DESI2: variants seen among roughly 807,000 people sequenced by gnomAD.
DESI2 encodes the protein desumoylating isopeptidase 2.
DESI2 carries 10 observed loss-of-function variants against 24.1 expected under a neutral mutation model. The ratio of observed to expected loss-of-function variants is 0.41; its 90% confidence interval spans 0.26 to 0.70. The LOEUF is 0.70. Ranked by LOEUF, DESI2 falls within the 30% of genes least tolerant of loss-of-function variation. The pLI is 0.29. For missense variants in DESI2, 122 were observed against 234.9 expected (o/e 0.52, Z 3.14); for synonymous variants, 71 against 87.7 (o/e 0.81, Z 1.06).
rs1370190137 is a variant in DESI2 at position 244,668,401 on chromosome 1, C to G, written c.42+15046C>G. On this transcript the variant is annotated intron_variant, in intron 1 of 4. Transcript: ENST00000302550. ...GACAGTAATTAGCCCACGATCTCCA[C>G]TAGTCACAACTGATATGGGGCTTTT... Among the ~76,000 whole-genome samples, 8 of 152,330 alleles carry G rather than the reference C, an allele frequency of 5.3e-5. No individual in the cohort carries two copies. In the East Asian group the frequency reaches 1.5e-3, roughly 29 times the overall value.
At chr1:244,679,190 G>A (rs543937083) in intron 1 of DESI2, among the ~76,000 whole-genome samples, 50 of 151,996 alleles carry the variant, frequency 3.3e-4, no homozygotes, top group African/African-American at 1.1e-3. Flanking sequence ...CTACAGGCAC[G>A]CACCACCACT....
At chr1:244,676,608 G>A (rs1676423428) in intron 1 of DESI2, among the ~76,000 whole-genome samples, 1 of 151,752 alleles carries the variant, frequency 6.6e-6, no homozygotes, top group Non-Finnish European at 1.5e-5. Flanking sequence ...GAAGTGGCAA[G>A]AGCAGACACT....
intron 1 of DESI2, among the ~76,000 whole-genome samples, chr1:244,684,566 C>T (rs1339493824): frequency 6.6e-6 from 1 of 152,062 alleles, no homozygotes; most frequent in Non-Finnish European, 1.5e-5. Flanking sequence ...TTTTAAATAT[C>T]TATCGAGTTA....
chr1:244,673,698 CTT>C (rs1396868442), intron 1 of DESI2, among the ~76,000 whole-genome samples: 10 of 151,880 alleles, frequency 6.6e-5, no homozygotes, highest in Middle Eastern at 3.2e-3. Flanking sequence ...ATTCCCATAA[CTT>C]ATATATTTCA....
At chr1:244,663,509 A>G (rs1382142229) in intron 1 of DESI2, among the ~76,000 whole-genome samples, 1 of 122,822 alleles carries the variant, frequency 8.1e-6, no homozygotes, top group African/African-American at 3.2e-5. Flanking sequence ...AAATCCTACA[A>G]ATACACAAAG....
At chr1:244,687,908 A>G (rs1291226954) in intron 2 of DESI2, among the ~76,000 whole-genome samples, 1 of 152,176 alleles carries the variant, frequency 6.6e-6, no homozygotes, top group Non-Finnish European at 1.5e-5. Flanking sequence ...AATGCCATCA[A>G]GTTTTGAACC....
At chr1:244,700,688 G>T (rs1256102318) in intron 4 of DESI2, among the ~76,000 whole-genome samples, 1 of 151,974 alleles carries the variant, frequency 6.6e-6, no homozygotes, top group East Asian at 1.9e-4. Context: ...TACAAATCTG[G>T]GCTACAGAAT....
At chr1:244,658,831 A>G (rs1675738381) in intron 1 of DESI2, among the ~76,000 whole-genome samples, 1 of 152,208 alleles carries the variant, frequency 6.6e-6, no homozygotes, top group Non-Finnish European at 1.5e-5. Flanking sequence ...TAGGAATGGG[A>G]CAGAAAAAAA....
intron 4 of DESI2, among the ~76,000 whole-genome samples, chr1:244,699,379 C>T (rs183718659): frequency 4.0e-5 from 6 of 151,750 alleles, no homozygotes; most frequent in Non-Finnish European, 5.9e-5. Context: ...GTCAAGAGAT[C>T]GAGACCATCC....
chr1:244,691,181 T>G (rs1677015103), intron 3 of DESI2, among the ~76,000 whole-genome samples: 1 of 152,196 alleles, frequency 6.6e-6, no homozygotes, highest in Non-Finnish European at 1.5e-5. Flanking sequence ...CTCTGCCTCC[T>G]GCGTTCAAGC....
chr1:244,687,037 C>T (rs907894351), intron 2 of DESI2, among the ~76,000 whole-genome samples: 1 of 151,996 alleles, frequency 6.6e-6, no homozygotes, highest in Non-Finnish European at 1.5e-5. Flanking sequence ...ATGATAAAAA[C>T]AATAATTTTG....
chr1:244,661,654 G>A (rs976658716), intron 1 of DESI2, among the ~76,000 whole-genome samples: 4 of 151,496 alleles, frequency 2.6e-5, no homozygotes, highest in East Asian at 1.9e-4. Flanking sequence ...GTGAGAACAT[G>A]CGGTGTTTGG....
At chr1:244,653,468 T>C in intron 1 of DESI2, 113 bp downstream of exon 1, 1 of 1,150,820 alleles carries the variant, frequency 8.7e-7, no homozygotes, top group South Asian at 1.5e-5. Context: ...GCCTCCAGCC[T>C]AGTTCTCGGG....
At chr1:244,703,785 A>C (rs1310867511) in intron 4 of DESI2, among the ~76,000 whole-genome samples, 2 of 151,698 alleles carry the variant, frequency 1.3e-5, no homozygotes, top group African/African-American at 4.9e-5. Context: ...CAGCCTCCCG[A>C]GTAGCTGGGA....
chr1:244,687,426 T>G lies in DESI2; in HGVS notation c.115+757T>G, dbSNP rs76811646. ...AAGACAGATCACATTGCTGATTTCA[T>G]TCAATGTATCATTTTGAATTATAAA... On this transcript the variant is annotated intron_variant, in intron 2 of 4. Coordinates refer to ENST00000302550, the MANE Select transcript of DESI2 (RefSeq NM_016076.5). 8.7e-3 allele frequency among the ~76,000 whole-genome samples: 1,326 copies of G among 152,322 alleles called. 7 individuals carry two copies. The highest frequency in any genetic ancestry group is 0.012 in the Non-Finnish European group (818 of 68,030).
chr1:244,675,149 A>C (rs548260937), intron 1 of DESI2, among the ~76,000 whole-genome samples: 2 of 152,204 alleles, frequency 1.3e-5, no homozygotes, highest in South Asian at 4.2e-4. Flanking sequence ...TAGTAGGGTT[A>C]TGTGTCTCGT....
intron 1 of DESI2, among the ~76,000 whole-genome samples, chr1:244,682,722 C>T (rs912527440): frequency 2.0e-5 from 3 of 152,232 alleles, no homozygotes; most frequent in South Asian, 2.1e-4. Flanking sequence ...AACAAATGAG[C>T]GTGGCTGTGT....
chr1:244,702,444 G>A (rs960968196), intron 4 of DESI2, among the ~76,000 whole-genome samples: 3 of 152,176 alleles, frequency 2.0e-5, no homozygotes, highest in Admixed American at 6.5e-5. Context: ...AACCTGGCAG[G>A]TGGAGATTGC....
intron 1 of DESI2, among the ~76,000 whole-genome samples, chr1:244,669,335 C>T (rs576611153): frequency 6.6e-6 from 1 of 150,992 alleles, no homozygotes; most frequent in Non-Finnish European, 1.5e-5. Context: ...ATTTTACTTT[C>T]TTCTTTTCAG....
Sources: allele counts gnomAD v4.1 joint callset (sites outside exome capture counted in the v4.1 genomes callset), GRCh38; gene constraint gnomAD v4.1.1; transcripts MANE v1.5; gene names NCBI Gene and HGNC (gene_info 2026-07-23, HGNC 2026-07-21).